ETV6: variants seen among roughly 807,000 people sequenced by gnomAD.
The protein encoded by ETV6 is ETS variant transcription factor 6.
ETV6 carries 16 observed loss-of-function variants against 51.1 expected under a neutral mutation model. The observed-to-expected ratio is 0.31, with a 90% CI of 0.21 to 0.48. The LOEUF (loss-of-function observed/expected upper bound fraction) is 0.48. ETV6 is among the 20% of genes least tolerant of loss of function. The pLI is 0.99. For missense variants in ETV6, 458 were observed against 594.8 expected (o/e 0.77, Z 2.39); for synonymous variants, 240 against 224.1 (o/e 1.07, Z -0.64).
chr12:11,878,592 G>T (rs940795064), intron 5 of ETV6, among the ~76,000 whole-genome samples: 1 of 151,998 alleles, frequency 6.6e-6, no homozygotes, highest in African/African-American at 2.4e-5. Flanking sequence ...TGCAGCTGTG[G>T]TTCTTCTGCC....
chr12:11,818,923 C>T (rs1170504344), intron 2 of ETV6, among the ~76,000 whole-genome samples: 4 of 152,138 alleles, frequency 2.6e-5, no homozygotes, highest in South Asian at 2.1e-4. Context: ...ACCCTACCCA[C>T]ATGCATTCAC....
intron 1 of ETV6, among the ~76,000 whole-genome samples, chr12:11,685,594 A>G (rs946213868): frequency 1.3e-5 from 2 of 152,158 alleles, no homozygotes; most frequent in African/African-American, 4.8e-5. Context: ...AAAACCAGCA[A>G]TACACACACA....
intron 4 of ETV6, among the ~76,000 whole-genome samples, chr12:11,860,058 AG>A (rs1946693093): frequency 6.6e-6 from 1 of 152,188 alleles, no homozygotes; most frequent in Non-Finnish European, 1.5e-5. Flanking sequence ...GTTCTGAGCC[AG>A]GCACCGGCTT....
In ETV6 at chr12:11,752,721, C is replaced by A. The variant is rs972179994; in HGVS notation, c.163+142C>A. ...CACGCTGCTTTGGAATCTTTCACACCCCCCTACCCCCAGATACCTTTGAAA... is the reference window on the plus strand; with the variant it reads ...CACGCTGCTTTGGAATCTTTCACACACCCCTACCCCCAGATACCTTTGAAA... On this transcript the variant is annotated intron_variant, in intron 2 of 7. Coordinates refer to ENST00000396373, the MANE Select transcript of ETV6 (RefSeq NM_001987.5). The A allele has an allele frequency of 1.2e-5, 13 of 1,054,936 alleles. No homozygotes were observed. The East Asian group carries it at 2.1e-4, about 17-fold the overall frequency. 65.3% of individuals were successfully genotyped at this position (1,054,936 alleles called of 1,614,324 possible).
intron 2 of ETV6, among the ~76,000 whole-genome samples, chr12:11,762,430 C>G (rs1440146140): frequency 2.0e-5 from 3 of 152,236 alleles, no homozygotes; most frequent in Admixed American, 6.5e-5. Context: ...GCGTTTTTCT[C>G]CCTCTGGAGA....
chr12:11,783,172 G>A (rs757283665), intron 2 of ETV6, among the ~76,000 whole-genome samples: 37 of 152,094 alleles, frequency 2.4e-4, no homozygotes, highest in Non-Finnish European at 4.3e-4. Context: ...ACAAGTCTCC[G>A]TGGAGCCCAT....
intron 1 of ETV6, among the ~76,000 whole-genome samples, chr12:11,709,104 T>C (rs948265651): frequency 6.6e-5 from 10 of 152,086 alleles, no homozygotes; most frequent in African/African-American, 2.4e-4. Flanking sequence ...ATATGTAATA[T>C]TTGATATATA....
intron 1 of ETV6, among the ~76,000 whole-genome samples, chr12:11,668,929 T>C (rs1427636151): frequency 6.6e-6 from 1 of 152,230 alleles, no homozygotes; most frequent in African/African-American, 2.4e-5. Flanking sequence ...CGTCTGCTCC[T>C]GTACTTGGCT....
At chr12:11,677,666 C>T (rs1456630458) in intron 1 of ETV6, among the ~76,000 whole-genome samples, 1 of 152,162 alleles carries the variant, frequency 6.6e-6, no homozygotes, top group Non-Finnish European at 1.5e-5. Flanking sequence ...GAAGATGAGG[C>T]CTCTGATTGA....
intron 3 of ETV6, chr12:11,840,648 C>T: frequency 2.7e-6 from 1 of 364,800 alleles, no homozygotes; most frequent in Non-Finnish European, 5.5e-6. Context: ...CTCCACTGTT[C>T]TTCCCAGTTG....
At chr12:11,663,451 A>C (rs1245205357) in intron 1 of ETV6, among the ~76,000 whole-genome samples, 1 of 152,234 alleles carries the variant, frequency 6.6e-6, no homozygotes, top group Non-Finnish European at 1.5e-5. Flanking sequence ...TATATGCCAC[A>C]TGTATCGCAT....
chr12:11,717,544 A>C (rs962794769), intron 1 of ETV6, among the ~76,000 whole-genome samples: 2 of 152,244 alleles, frequency 1.3e-5, no homozygotes, highest in East Asian at 3.8e-4. Context: ...ATGTGTGTGC[A>C]TAAGGAACAT....
chr12:11,834,653 G>A (rs1946289435), intron 2 of ETV6, among the ~76,000 whole-genome samples: 2 of 152,166 alleles, frequency 1.3e-5, no homozygotes, highest in African/African-American at 4.8e-5. Context: ...CCAAGAATTA[G>A]AATATAATGA....
chr12:11,725,973 C>T (rs1865480818), intron 1 of ETV6, among the ~76,000 whole-genome samples: 1 of 152,190 alleles, frequency 6.6e-6, no homozygotes, highest in African/African-American at 2.4e-5. Context: ...CTCAGATATT[C>T]CTTCCTAGCA....
At chr12:11,770,002 C>T (rs954144179) in intron 2 of ETV6, among the ~76,000 whole-genome samples, 1 of 152,136 alleles carries the variant, frequency 6.6e-6, no homozygotes, top group Admixed American at 6.5e-5. Flanking sequence ...AACAGGCTGT[C>T]ACCGGGGCAA....
intron 2 of ETV6, among the ~76,000 whole-genome samples, chr12:11,757,899 T>G (rs1363273787): frequency 6.6e-6 from 1 of 152,218 alleles, no homozygotes; most frequent in Non-Finnish European, 1.5e-5. Flanking sequence ...GGATGGTTTA[T>G]TCTGGTTTTG....
At chr12:11,725,430 C>G (rs1819146959) in intron 1 of ETV6, among the ~76,000 whole-genome samples, 1 of 152,120 alleles carries the variant, frequency 6.6e-6, no homozygotes, top group Non-Finnish European at 1.5e-5. Context: ...CCTGCTGTTT[C>G]AACAAAGTTA....
intron 1 of ETV6, among the ~76,000 whole-genome samples, chr12:11,727,325 C>T (rs1347285720): frequency 6.6e-6 from 1 of 152,268 alleles, no homozygotes; most frequent in African/African-American, 2.4e-5. Flanking sequence ...AACCGCACAC[C>T]TCACAGACCC....
rs761925697 is a variant in ETV6 at position 11,749,288 on chromosome 12, T to TACACACAC, written c.34-3107_34-3100dup. On this transcript the variant is annotated intron_variant, in intron 1 of 7. Coordinates refer to ENST00000396373, the MANE Select transcript of ETV6 (RefSeq NM_001987.5). ...CTTGGGAAAATCGTTATCCCCCCCA[T>TACACACAC]ACACACACACACACACACACACACA... Among the ~76,000 whole-genome samples, 964 of 122,878 alleles carry TACACACAC rather than the reference T, an allele frequency of 7.8e-3. 15 individuals carry two copies. Among genetic ancestry groups the TACACACAC allele is most frequent in the Admixed American group, 0.015 (175 of 11,560 alleles). The allele number at this position is 122,878 out of a possible 152,430, so 80.6% of individuals were successfully genotyped here.
Sources: gnomAD v4.1 joint callset for allele counts (sites outside exome capture counted in the v4.1 genomes callset) on GRCh38, gnomAD v4.1.1 for gene constraint, MANE v1.5 for transcripts, NCBI Gene and HGNC (gene_info 2026-07-23, HGNC 2026-07-21) for gene names.